The following USP54 variants were observed in gnomAD, a reference collection of about 807,000 sequenced individuals.
USP54 encodes the protein ubiquitin carboxyl-terminal hydrolase 54.
A neutral mutation model predicts 170.5 loss-of-function variants in USP54; 87 were observed. The observed-to-expected ratio is 0.51, with a 90% CI of 0.43 to 0.61. USP54 has a LOEUF of 0.61. USP54 is among the 20% of genes least tolerant of loss of function. The probability of loss-of-function intolerance (pLI) is 0.00; values close to 1 mark genes in which losing one functional copy is unlikely to be tolerated. For missense variants in USP54, 1,786 were observed against 2,047.8 expected (o/e 0.87, Z 2.47); for synonymous variants, 655 against 742.8 (o/e 0.88, Z 1.92).
rs772361765 is a variant in USP54, at chr10:73,536,420, C to T, written c.993G>A (p.Lys331=). The T allele has an allele frequency of 3.2e-5, 50 of 1,557,850 alleles. No homozygotes were observed. The highest frequency in any genetic ancestry group is 8.2e-5 in the African/African-American group (6 of 73,210). Residue 331 remains lysine (K), a synonymous_variant, in exon 11 of 24, where the codon AAG becomes AAA. Coordinates refer to ENST00000687698, the MANE Select transcript of USP54 (RefSeq NM_001391956.1). The part of the protein sequence containing the change: ...AHVKEIGPKW[K]DVVTKCIKGH... ...CCTTGATGCATTTGGTCACCACATC[C>T]TTCCATTTGGGCCCAATCTGAACCA...
At chr10:73,570,550 C>CT (rs554652532) in intron 4 of USP54, among the ~76,000 whole-genome samples, 4,151 of 132,222 alleles carry the variant, frequency 0.031, 183 homozygotes, top group African/African-American at 0.095. Flanking sequence ...TTTCCTTTTT[C>CT]TTTTTTTTTT....
intron 22 of USP54, among the ~76,000 whole-genome samples, chr10:73,503,274 A>T (rs776175008): frequency 2.6e-5 from 4 of 152,216 alleles, no homozygotes; most frequent in Non-Finnish European, 5.9e-5. Flanking sequence ...AGCCTGATTT[A>T]AATATCCCTT....
rs1025265622 is a variant in USP54 at position 73,569,548 on chromosome 10, G to A, written c.240+1873C>T. ...TGTAATCCCAGCACTTTGGGAGGCC[G>A]AGGCGGGCGTCACCTGAAGTCAGTG... is the stretch of plus-strand genomic sequence containing the variant. On this transcript the variant is annotated intron_variant, in intron 4 of 23. Transcript: ENST00000687698. 8.6e-5 allele frequency among the ~76,000 whole-genome samples: 13 copies of A among 151,990 alleles called. No individual in the cohort carries two copies. In the East Asian group the frequency reaches 1.2e-3, roughly 14 times the overall value.
At chr10:73,595,737 A>C (rs1325667910), upstream of USP54, among the ~76,000 whole-genome samples, 2 of 152,214 alleles carry the variant, frequency 1.3e-5, no homozygotes, top group Non-Finnish European at 2.9e-5. Flanking sequence ...CTTGGACTGG[A>C]CTTAAAGCTC....
intron 4 of USP54, among the ~76,000 whole-genome samples, chr10:73,559,330 G>A (rs1289429034): frequency 1.3e-5 from 2 of 152,066 alleles, no homozygotes; most frequent in East Asian, 1.9e-4. Flanking sequence ...GGAGGCCAAG[G>A]CAGGCAGATA....
chr10:73,573,748 G>C (rs1020217219), intron 3 of USP54, among the ~76,000 whole-genome samples: 3 of 152,172 alleles, frequency 2.0e-5, no homozygotes, highest in Non-Finnish European at 4.4e-5. Flanking sequence ...CTGGGCGACA[G>C]AGTGAGACTC....
intron 20 of USP54, among the ~76,000 whole-genome samples, chr10:73,511,058 TG>T (rs1400543365): frequency 1.3e-5 from 2 of 150,598 alleles, no homozygotes; most frequent in Non-Finnish European, 2.9e-5. Context: ...AGATAAAGAG[TG>T]ATTTGCCAAC....
At chr10:73,594,919 T>C (rs1292318169), upstream of USP54, among the ~76,000 whole-genome samples, 3 of 151,984 alleles carry the variant, frequency 2.0e-5, no homozygotes, top group East Asian at 3.9e-4. Flanking sequence ...TTTTAACTTT[T>C]TTTTTTTAAT....
chr10:73,539,601 GA>G lies in USP54; in HGVS notation c.826-9del. ...CGTCACTCTGAAAAACAGCTGAGGG[GA>G]AAGAAGAGAAAAGAAAGCACAGTCA... On this transcript the variant is annotated splice_polypyrimidine_tract_variant and intron_variant, in intron 9 of 23. Coordinates refer to ENST00000687698, the MANE Select transcript of USP54 (RefSeq NM_001391956.1). The G allele has an allele frequency of 6.3e-7, 1 of 1,576,370 alleles. No homozygotes were observed. Among genetic ancestry groups the G allele is most frequent in the Non-Finnish European group, 8.6e-7 (1 of 1,156,778 alleles).
At chr10:73,539,307 AATATAT>A in intron 10 of USP54, 131 bp downstream of exon 10, 1 of 279,766 alleles carries the variant, frequency 3.6e-6, no homozygotes. Context: ...AAAAAAAAAA[AATATAT>A]ATATATATAT....
chr10:73,588,462 G>A (rs1278216037), intron 1 of USP54, among the ~76,000 whole-genome samples: 3 of 152,108 alleles, frequency 2.0e-5, no homozygotes, highest in African/African-American at 2.4e-5. Context: ...GACCTCAAGC[G>A]ATCCGCCCAC....
intron 1 of USP54, among the ~76,000 whole-genome samples, chr10:73,602,843 AAG>A (rs1464249365): frequency 2.8e-5 from 4 of 143,298 alleles, no homozygotes; most frequent in Non-Finnish European, 6.0e-5. Flanking sequence ...GCGACAGAGC[AAG>A]ACTCTGTCTC....
chr10:73,571,341 T>C, intron 4 of USP54, 80 bp downstream of exon 4: 1 of 1,185,044 alleles, frequency 8.4e-7, no homozygotes, highest in Non-Finnish European at 1.2e-6. Context: ...TTTGGCATCA[T>C]CCTGATTAAC....
upstream of USP54, among the ~76,000 whole-genome samples, chr10:73,594,126 A>G (rs1323856728): frequency 6.6e-6 from 1 of 151,588 alleles, no homozygotes; most frequent in African/African-American, 2.4e-5. Flanking sequence ...GCTGGAGTGC[A>G]GTGACACGAT....
At chr10:73,600,308 G>A (rs916026575) in intron 1 of USP54, among the ~76,000 whole-genome samples, 5 of 152,142 alleles carry the variant, frequency 3.3e-5, no homozygotes, top group Admixed American at 2.0e-4. Context: ...GTTGACAGGA[G>A]TTAAGAAAGG....
chr10:73,592,586 T>A (rs1269388623), upstream of USP54, among the ~76,000 whole-genome samples: 4 of 152,204 alleles, frequency 2.6e-5, no homozygotes, highest in East Asian at 7.7e-4. Context: ...CATTTCAAAG[T>A]GTGAAACACA....
At chr10:73,573,517 A>C (rs562046753) in intron 3 of USP54, among the ~76,000 whole-genome samples, 149 of 152,348 alleles carry the variant, frequency 9.8e-4, no homozygotes, top group Non-Finnish European at 1.6e-3. Flanking sequence ...TAAGCCCAGC[A>C]CTTTGGGAGG....
At chr10:73,573,119 C>T (rs1201971153) in intron 3 of USP54, among the ~76,000 whole-genome samples, 1 of 151,602 alleles carries the variant, frequency 6.6e-6, no homozygotes, top group African/African-American at 2.4e-5. Flanking sequence ...ACCCTCTCTC[C>T]ACAAACAATT....
chr10:73,532,966 A>G (rs1466234367), intron 12 of USP54, among the ~76,000 whole-genome samples: 1 of 152,200 alleles, frequency 6.6e-6, no homozygotes, highest in Non-Finnish European at 1.5e-5. Flanking sequence ...GTGAACACTC[A>G]TTGGTTACCT....
Sources: allele counts gnomAD v4.1 joint callset (sites outside exome capture counted in the v4.1 genomes callset), GRCh38; gene constraint gnomAD v4.1.1; transcripts MANE v1.5; gene names NCBI Gene and HGNC (gene_info 2026-07-23, HGNC 2026-07-21).